The following PTK2B variants were observed in gnomAD, a reference collection of about 807,000 sequenced individuals.
The protein encoded by PTK2B is protein-tyrosine kinase 2-beta.
PTK2B carries 71 observed loss-of-function variants against 142.9 expected under a neutral mutation model. The observed-to-expected ratio is 0.50, with a 90% CI of 0.41 to 0.61. The LOEUF (loss-of-function observed/expected upper bound fraction) is 0.61. PTK2B is among the 20% of genes least tolerant of loss of function. The pLI is 0.00. For missense variants in PTK2B, 1,105 were observed against 1,320.4 expected, an observed-to-expected ratio of 0.84 and a Z score of 2.53; for synonymous variants, 519 against 503.4, an observed-to-expected ratio of 1.03 and a Z score of -0.42.
chr8:27,440,329 C>T lies in PTK2B; in HGVS notation c.1927C>T (p.Arg643Trp), dbSNP rs774798724. The T allele has an allele frequency of 3.1e-6, 5 of 1,614,034 alleles. No homozygotes were observed. Among genetic ancestry groups the T allele is most frequent in the South Asian group, 1.1e-5 (1 of 91,084 alleles). ...CATCGGGGTGCTGGAGAAAGGAGAC[C>T]GGCTGCCCAAGCCTGATCTCTGTCC... ...DVIGVLEKGD[R>W]LPKPDLCPPV... Residue 643 changes from arginine (R) to tryptophan (W), a missense_variant, in exon 21 of 31, where the codon CGG becomes TGG. By Grantham distance (101) the Arg-to-Trp change is moderately radical. Transcript: ENST00000346049.
intron 2 of PTK2B, among the ~76,000 whole-genome samples, chr8:27,400,735 C>G (rs774479946): frequency 6.6e-6 from 1 of 152,150 alleles, no homozygotes; most frequent in Non-Finnish European, 1.5e-5. Flanking sequence ...GGAGGGCATT[C>G]TGAGATTTCA....
chr8:27,403,764 CTG>C (rs1808521177), intron 2 of PTK2B, among the ~76,000 whole-genome samples: 1 of 152,086 alleles, frequency 6.6e-6, no homozygotes, highest in Non-Finnish European at 1.5e-5. Flanking sequence ...GCTGCTGCTG[CTG>C]CTGCTCCTCC....
chr8:27,459,177 A>G lies in PTK2B; in HGVS notation c.*668A>G, dbSNP rs1199085117. The G allele has an allele frequency of 4.2e-6, 1 of 236,436 alleles. No homozygotes were observed. The highest frequency in any genetic ancestry group is 8.3e-6 in the Non-Finnish European group (1 of 119,946). 14.6% of individuals were successfully genotyped at this position (236,436 alleles called of 1,614,324 possible). ...GAAGAAGCAGAGAGATGCGGCCAAG[A>G]TAGGACCTTGGGCCAAATCCGCTCT... On this transcript the variant is annotated 3_prime_UTR_variant, in exon 31 of 31. Transcript: ENST00000346049.
chr8:27,441,544 G>A (rs182955457), intron 21 of PTK2B, among the ~76,000 whole-genome samples: 1 of 152,298 alleles, frequency 6.6e-6, no homozygotes, highest in East Asian at 1.9e-4. Context: ...TGGTGGGGAG[G>A]CACCCCAGGG....
intron 1 of PTK2B, among the ~76,000 whole-genome samples, chr8:27,388,057 C>G (rs1165292067): frequency 6.6e-6 from 1 of 152,202 alleles, no homozygotes; most frequent in Non-Finnish European, 1.5e-5. Context: ...AAACAACAGT[C>G]TGCCATCCAG....
At position 27,397,377 on chromosome 8, in the gene PTK2B, G is replaced by A. The variant is rs1046442709; in HGVS notation, c.-37-171G>A. The stretch of plus-strand genomic sequence containing the variant: ...CTTCTGCAACTTGCCCCTTTCTGCT[G>A]CATCTTTCCCAGTCAAGAGAGCCAG... On this transcript the variant is annotated intron_variant, in intron 1 of 30. Coordinates refer to ENST00000346049, the MANE Select transcript of PTK2B (RefSeq NM_173176.3). 164 of 593,400 alleles carry A rather than the reference G, an allele frequency of 2.8e-4. 3 individuals are homozygous for A. The highest frequency in any genetic ancestry group is 2.3e-3 in the Middle Eastern group (5 of 2,136). The allele number at this position is 593,400 out of a possible 1,614,324, so 36.8% of individuals were successfully genotyped here. A position where few individuals can be genotyped will look rare whatever the true frequency, so the allele number is the denominator to read the frequency against.
At position 27,431,467 on chromosome 8, in the gene PTK2B, G is replaced by A. The variant is rs775566358; in HGVS notation, c.880G>A (p.Ala294Thr). 23 of 1,613,980 alleles carry A rather than the reference G, an allele frequency of 1.4e-5. No homozygotes were observed. Among genetic ancestry groups the A allele is most frequent in the South Asian group, 6.6e-5 (6 of 91,090 alleles). ...KGIRQLTSQD[A>T]KPTCLAEFKQ... is the part of the protein sequence containing the mutation. Reference sequence around the variant, plus strand: ...GATCCGCCAGCTGACTAGTCAGGACGCAAAGGTAGAGAGACCCGGGGCAGC... The same window carrying A: ...GATCCGCCAGCTGACTAGTCAGGACACAAAGGTAGAGAGACCCGGGGCAGC... Residue 294 changes from alanine to threonine, a missense_variant, in exon 9 of 31, where the codon GCA becomes ACA. Coordinates refer to ENST00000346049, the MANE Select transcript of PTK2B (RefSeq NM_173176.3).
chr8:27,434,047 C>T (rs749918003), intron 11 of PTK2B, 46 bp from the exon 12 acceptor site: 157 of 1,601,964 alleles, frequency 9.8e-5, no homozygotes, highest in Non-Finnish European at 1.2e-4. Flanking sequence ...CCATCCAGGT[C>T]CCTGTGTCCC....
In PTK2B at chr8:27,454,567, G is replaced by A. The variant is rs995982658; in HGVS notation, c.2770G>A (p.Val924Met). The A allele has an allele frequency of 2.4e-5, 39 of 1,614,068 alleles. No homozygotes were observed. The highest frequency in any genetic ancestry group is 3.1e-5 in the Non-Finnish European group (37 of 1,180,040). ...GACCCTGCGGAAGCTCATCGGGAGC[G>A]TGGATGATCTCCTGCCTTCCTTGCC... ...GLTLRKLIGSVDDLLPSLPSS... is the reference protein window; with the variant it reads ...GLTLRKLIGSMDDLLPSLPSS... Residue 924 changes from valine to methionine, a missense_variant, in exon 30 of 31, where the codon GTG (valine) becomes ATG (methionine). Coordinates refer to ENST00000346049, the MANE Select transcript of PTK2B (RefSeq NM_173176.3).
chr8:27,444,060 C>G (rs1811320177), intron 22 of PTK2B, 146 bp from the exon 23 acceptor site: 1 of 807,292 alleles, frequency 1.2e-6, no homozygotes, highest in Non-Finnish European at 2.0e-6. Context: ...TAAATGGATG[C>G]AAAATGAGTT....
At chr8:27,392,731 A>G (rs1345614782) in intron 1 of PTK2B, among the ~76,000 whole-genome samples, 2 of 152,178 alleles carry the variant, frequency 1.3e-5, no homozygotes, top group African/African-American at 2.4e-5. Context: ...CCGTTCATTT[A>G]CTTTGCTTCA....
upstream of PTK2B, among the ~76,000 whole-genome samples, chr8:27,321,423 A>G (rs1367653627): frequency 6.6e-6 from 1 of 152,232 alleles, no homozygotes; most frequent in Non-Finnish European, 1.5e-5. Context: ...ATGGTAACAG[A>G]AAGGCCAAAA....
intron 1 of PTK2B, among the ~76,000 whole-genome samples, chr8:27,379,066 C>T (rs1437439269): frequency 2.0e-5 from 3 of 152,158 alleles, no homozygotes; most frequent in African/African-American, 4.8e-5. Context: ...CTGTTCCCAA[C>T]GTGGCTGCAT....
chr8:27,414,777 T>C (rs1809295482), intron 2 of PTK2B, among the ~76,000 whole-genome samples: 1 of 152,102 alleles, frequency 6.6e-6, no homozygotes, highest in Non-Finnish European at 1.5e-5. Context: ...CATTTACTTC[T>C]TTGCTCACTC....
chr8:27,424,445 AC>A (rs1809949611), intron 5 of PTK2B, among the ~76,000 whole-genome samples: 1 of 152,196 alleles, frequency 6.6e-6, no homozygotes, highest in African/African-American at 2.4e-5. Flanking sequence ...TCTAAAAGCC[AC>A]ACTTGTTTTG....
intron 1 of PTK2B, among the ~76,000 whole-genome samples, chr8:27,360,752 T>G (rs1160697704): frequency 3.9e-5 from 6 of 152,164 alleles, no homozygotes; most frequent in African/African-American, 9.7e-5. Flanking sequence ...TGTGCAAACA[T>G]TTCACCTGGG....
At chr8:27,333,003 C>T (rs1803850678) in intron 1 of PTK2B, among the ~76,000 whole-genome samples, 1 of 152,114 alleles carries the variant, frequency 6.6e-6, no homozygotes, top group African/African-American at 2.4e-5. Flanking sequence ...AATAATGTGC[C>T]ATAAAAGAGG....
intron 26 of PTK2B, 56 bp downstream of exon 26, chr8:27,451,134 C>A: frequency 1.9e-6 from 3 of 1,567,632 alleles, no homozygotes; most frequent in Non-Finnish European, 8.8e-7. Context: ...AGGCCTCGCC[C>A]ACCATAGGAC....
rs1810662992 is a variant in PTK2B, at chr8:27,434,651, C to T, written c.1192+92C>T. 9 of 1,363,312 alleles carry T rather than the reference C, an allele frequency of 6.6e-6. No individual in the cohort carries two copies. In the South Asian group the frequency reaches 9.0e-5, roughly 14 times the overall value. 84.5% of individuals were successfully genotyped at this position (1,363,312 alleles called of 1,614,324 possible). A position where few individuals can be genotyped will look rare whatever the true frequency, so the allele number is the denominator to read the frequency against. On this transcript the variant is annotated intron_variant, in intron 13 of 30. Transcript: ENST00000346049. ...CTCTCGTGACATTGCCGAGGGTTTCCTCCAAGTGACAGAAAAATGATCCTC... is the reference window on the plus strand; with the variant it reads ...CTCTCGTGACATTGCCGAGGGTTTCTTCCAAGTGACAGAAAAATGATCCTC...
Sources: gnomAD v4.1 joint callset for allele counts (sites outside exome capture counted in the v4.1 genomes callset) on GRCh38, gnomAD v4.1.1 for gene constraint, MANE v1.5 for transcripts, NCBI Gene and HGNC (gene_info 2026-07-23, HGNC 2026-07-21) for gene names.